The following STK3 variants were observed in gnomAD, a reference collection of about 807,000 sequenced individuals.
The protein encoded by STK3 is serine/threonine kinase 3, also known as serine/threonine-protein kinase 3.
A neutral mutation model predicts 58.0 loss-of-function variants in STK3; 41 were observed. The observed-to-expected ratio is 0.71, with a 90% CI of 0.55 to 0.92. STK3 has a LOEUF of 0.92. Ranked by LOEUF, STK3 falls within the 40% of genes least tolerant of loss-of-function variation. STK3 has a pLI of 0.00. For synonymous variants in STK3, 170 were observed against 191.0 expected (o/e 0.89, Z 0.91); for missense variants, 479 against 602.7 (o/e 0.79, Z 2.15).
chr8:98,727,909 C>T (rs971465657), intron 4 of STK3, among the ~76,000 whole-genome samples: 29 of 152,064 alleles, frequency 1.9e-4, no homozygotes, highest in Non-Finnish European at 8.8e-5. Context: ...TTACCAAAAC[C>T]CTTTACAGAA....
intron 8 of STK3, among the ~76,000 whole-genome samples, chr8:98,554,138 CT>C (rs1297575887): frequency 3.9e-5 from 6 of 152,212 alleles, no homozygotes; most frequent in African/African-American, 1.4e-4. Flanking sequence ...TTATGTAAGG[CT>C]TTTAAACTAT....
intron 8 of STK3, among the ~76,000 whole-genome samples, chr8:98,553,663 G>C (rs1023345181): frequency 2.0e-5 from 3 of 152,016 alleles, no homozygotes; most frequent in Non-Finnish European, 4.4e-5. Context: ...CTATGCTAAG[G>C]TCTTTTTAAT....
chr8:98,713,322 T>C (rs950177332), intron 4 of STK3, among the ~76,000 whole-genome samples: 18 of 152,122 alleles, frequency 1.2e-4, no homozygotes, highest in African/African-American at 4.1e-4. Context: ...CAAAAAACCC[T>C]TCAAAAAATT....
chr8:98,603,762 G>A (rs184578947), intron 6 of STK3, among the ~76,000 whole-genome samples: 2 of 151,722 alleles, frequency 1.3e-5, no homozygotes, highest in Admixed American at 1.3e-4. Context: ...TGGGAAGGAA[G>A]GGAAGAAGGA....
At chr8:98,772,333 C>G (rs1277795686) in intron 2 of STK3, among the ~76,000 whole-genome samples, 1 of 152,134 alleles carries the variant, frequency 6.6e-6, no homozygotes, top group Non-Finnish European at 1.5e-5. Context: ...ACGTTTGGGT[C>G]ACAGGGGCAG....
chr8:98,811,829 T>C (rs762355104), intron 1 of STK3, among the ~76,000 whole-genome samples: 13 of 152,194 alleles, frequency 8.5e-5, no homozygotes, highest in East Asian at 1.9e-4. Context: ...AAAGGTTTTG[T>C]TGTTGTTTTT....
chr8:98,735,076 T>C (rs1828476217), intron 4 of STK3, among the ~76,000 whole-genome samples: 1 of 152,186 alleles, frequency 6.6e-6, no homozygotes, highest in South Asian at 2.1e-4. Context: ...ACCATATTTG[T>C]TCAGCAATCC....
At chr8:98,576,894 A>G (rs974140225) in intron 8 of STK3, among the ~76,000 whole-genome samples, 3 of 151,962 alleles carry the variant, frequency 2.0e-5, no homozygotes, top group Non-Finnish European at 2.9e-5. Flanking sequence ...GAAAACTACA[A>G]TTTTTTTTCA....
downstream of STK3, among the ~76,000 whole-genome samples, chr8:98,453,080 G>GTTTTTTTTTTT (rs919288019): frequency 1.5e-4 from 6 of 39,678 alleles, no homozygotes; most frequent in Non-Finnish European, 2.8e-4. Flanking sequence ...TTTCTTTCTT[G>GTTTTTTTTTTT]TTTTTTTTTT....
intron 6 of STK3, among the ~76,000 whole-genome samples, chr8:98,657,566 T>C (rs1167555372): frequency 6.6e-6 from 1 of 152,068 alleles, no homozygotes; most frequent in African/African-American, 2.4e-5. Flanking sequence ...TATAAATACA[T>C]TAAAATATTT....
chr8:98,433,794 C>T (rs997882400), intron 3 of STK3, among the ~76,000 whole-genome samples: 8 of 152,308 alleles, frequency 5.3e-5, no homozygotes, highest in South Asian at 2.1e-4. Context: ...CTACAATAGA[C>T]GACAGTTGCA....
intron 2 of STK3, among the ~76,000 whole-genome samples, chr8:98,436,443 C>A (rs1818493370): frequency 6.6e-6 from 1 of 152,230 alleles, no homozygotes; most frequent in Non-Finnish European, 1.5e-5. Context: ...CAAACTTGCT[C>A]TTCCTTCTGA....
chr8:98,545,343 G>T (rs1810613537), intron 9 of STK3, among the ~76,000 whole-genome samples: 2 of 152,178 alleles, frequency 1.3e-5, no homozygotes, highest in Admixed American at 1.3e-4. Context: ...TGGGGAATGA[G>T]GAGGCCTTAG....
In STK3 at chr8:98,699,235, G is replaced by C. The variant is rs1226307805; in HGVS notation, c.684+7232C>G. Among the ~76,000 whole-genome samples the C allele has an allele frequency of 1.1e-4, 16 of 152,046 alleles. No homozygotes were observed. In the East Asian group the frequency reaches 2.1e-3, roughly 20 times the overall value. On this transcript the variant is annotated intron_variant, in intron 6 of 10. Transcript: ENST00000419617. ...CATCAGCTCCTTTAAGCACTTCTCT[G>C]TATTGGTTATTCTAGTTATACATTC...
intron 1 of STK3, among the ~76,000 whole-genome samples, chr8:98,795,434 C>T (rs551612105): frequency 6.6e-6 from 1 of 151,024 alleles, no homozygotes; most frequent in African/African-American, 2.4e-5. Context: ...CAGCCAACAT[C>T]ATACTGAATA....
At chr8:98,857,682 A>C (rs549216648) in intron 3 of STK3, among the ~76,000 whole-genome samples, 1 of 152,214 alleles carries the variant, frequency 6.6e-6, no homozygotes, top group Non-Finnish European at 1.5e-5. Context: ...AAAACTTCTA[A>C]AAGTGACATC....
At chr8:98,821,042 G>A (rs532546270) in intron 1 of STK3, among the ~76,000 whole-genome samples, 4 of 152,186 alleles carry the variant, frequency 2.6e-5, no homozygotes, top group Admixed American at 2.0e-4. Flanking sequence ...GCTAATTAAT[G>A]ATCATTTAAT....
rs1818271597 is a variant in STK3 at position 98,428,240 on chromosome 8, C to T, written n.483+5887G>A. 2 of 1,614,102 alleles carry T rather than the reference C, an allele frequency of 1.2e-6. No homozygotes were observed. On this transcript the variant is annotated intron_variant and non_coding_transcript_variant, in intron 3 of 3. Transcript: ENST00000517832. The surrounding 1 kb of genome is among the most constrained non-coding windows in gnomAD (Gnocchi z 6.7). Reference sequence around the variant, plus strand: ...CCTACGTGCTGCATTTCTATCACACCGGCAAGCTTCACGTCATGGCTGAGC... The same window carrying T: ...CCTACGTGCTGCATTTCTATCACACTGGCAAGCTTCACGTCATGGCTGAGC...
rs140549270 is a variant in STK3, at chr8:98,541,025, C to T, written c.1141+6944G>A. 2.2e-4 allele frequency among the ~76,000 whole-genome samples: 34 copies of T among 152,242 alleles called. No homozygotes were observed. The East Asian group carries it at 5.0e-3, about 22-fold the overall frequency. The stretch of plus-strand genomic sequence containing the variant: ...GTATTACTGAACTCAGCGGCGCCAG[C>T]GGTAGCCTCTGGATTGCTATTCCTC... On this transcript the variant is annotated intron_variant, in intron 9 of 10. Coordinates refer to ENST00000419617, the MANE Select transcript of STK3 (RefSeq NM_006281.4).
Sources: allele counts gnomAD v4.1 joint callset (sites outside exome capture counted in the v4.1 genomes callset), GRCh38; gene constraint gnomAD v4.1.1; non-coding constraint Gnocchi (gnomAD v3.1); transcripts MANE v1.5; gene names NCBI Gene and HGNC (gene_info 2026-07-23, HGNC 2026-07-21).